Variants in ANKRD36 observed in about 807,000 individuals in gnomAD.
ANKRD36 encodes the protein ankyrin repeat domain-containing protein 36A.
ANKRD36 carries 179 observed loss-of-function variants against 278.1 expected under a neutral mutation model. That is an observed-to-expected ratio of 0.64 (90% CI 0.57 to 0.73). The LOEUF (loss-of-function observed/expected upper bound fraction) is 0.73, where lower values mean the gene tolerates loss of function less well. Ranked by LOEUF, ANKRD36 falls within the 30% of genes least tolerant of loss-of-function variation. The probability of loss-of-function intolerance (pLI) is 0.00; values close to 1 mark genes in which losing one functional copy is unlikely to be tolerated. For missense variants in ANKRD36, 1,159 were observed against 1,956.7 expected (o/e 0.59, Z 7.69); for synonymous variants, 320 against 641.1 (o/e 0.50, Z 7.57).
intron 12 of ANKRD36, among the ~76,000 whole-genome samples, chr2:97,149,673 C>T (rs2045394249): frequency 6.6e-6 from 1 of 151,850 alleles, no homozygotes; most frequent in Admixed American, 6.6e-5. Context: ...TTGGTCTAGG[C>T]TTATTTGAGT....
At chr2:97,124,246 C>T (rs1160741566) in intron 4 of ANKRD36, among the ~76,000 whole-genome samples, 1 of 151,512 alleles carries the variant, frequency 6.6e-6, no homozygotes, top group Non-Finnish European at 1.5e-5. Flanking sequence ...GTCATACCAC[C>T]CACAGTAGGA....
chr2:97,186,700 A>G (rs1325672382), intron 30 of ANKRD36, among the ~76,000 whole-genome samples: 2 of 151,890 alleles, frequency 1.3e-5, no homozygotes, highest in Non-Finnish European at 2.9e-5. Context: ...GAAGAGACAG[A>G]GACATAATGT....
In ANKRD36 at chr2:97,114,084, T is replaced by C. The variant is rs1574438230; in HGVS notation, c.197+148T>C. On this transcript the variant is annotated intron_variant, in intron 1 of 75. Transcript: ENST00000420699. ...GGTGCCCGGCTGGGGTGGGAGTGAG[T>C]GGAGCGGGGCCTGGGGAGTGGCGGT... is the stretch of plus-strand genomic sequence containing the variant. 9.4e-6 allele frequency: 9 copies of C among 960,098 alleles called. No individual in the cohort carries two copies. The Admixed American group carries it at 2.2e-4, about 23-fold the overall frequency. 59.5% of individuals were successfully genotyped at this position (960,098 alleles called of 1,614,324 possible).
chr2:97,198,315 G>A (rs1456069400), intron 42 of ANKRD36, 148 bp from the exon 43 acceptor site: 13 of 1,485,990 alleles, frequency 8.7e-6, no homozygotes, highest in South Asian at 1.2e-5. Flanking sequence ...TTTCTGTCAC[G>A]TTCTAGTCCC....
In ANKRD36 at chr2:97,113,278, G is replaced by C. The variant is rs3878988; in HGVS notation, c.-462G>C. Among the ~76,000 whole-genome samples the C allele has an allele frequency of 7.2e-5, 11 of 152,206 alleles. No homozygotes were observed. Among genetic ancestry groups the C allele is most frequent in the Middle Eastern group, 3.4e-3 (1 of 292 alleles). On this transcript the variant is annotated 5_prime_UTR_variant, in exon 1 of 76. Coordinates refer to ENST00000420699, the MANE Select transcript of ANKRD36 (RefSeq NM_001354587.1). ...CCCGGGGGCGACGCAGTGGCGAAGTGGGGCTGTGGGCCCAGCGGTGGCACC... is the reference window on the plus strand; with the variant it reads ...CCCGGGGGCGACGCAGTGGCGAAGTCGGGCTGTGGGCCCAGCGGTGGCACC...
At chr2:97,193,248 C>A (rs1434615366) in intron 38 of ANKRD36, among the ~76,000 whole-genome samples, 195 bp downstream of exon 38, 1 of 143,018 alleles carries the variant, frequency 7.0e-6, no homozygotes, top group African/African-American at 2.5e-5. Flanking sequence ...TAAGATTATA[C>A]ACTTCCCCAC....
At chr2:97,231,540 C>T (rs1402793260) in intron 67 of ANKRD36, among the ~76,000 whole-genome samples, 5 of 152,256 alleles carry the variant, frequency 3.3e-5, no homozygotes, top group African/African-American at 1.2e-4. Context: ...TGTCTGTCAC[C>T]CCTTTCTTTG....
rs1574540745 is a variant in ANKRD36, at chr2:97,122,987, T to C, written c.587T>C (p.Leu196Pro). The change falls in exon 4 of 76, where the codon CTT (leucine) becomes CCT (proline). Residue 196 changes from leucine (L) to proline (P), a missense_variant. Leu to Pro is a moderately conservative substitution (Grantham distance 98). Transcript: ENST00000420699. ...KKANVNAIDYLGRSALIHAVT... is the reference protein window; with the variant it reads ...KKANVNAIDYPGRSALIHAVT... ...GCAAATGTAAATGCCATTGATTATCTTGGCAGGTACAGACCTTAGTTCTTA... is the reference window on the plus strand; with the variant it reads ...GCAAATGTAAATGCCATTGATTATCCTGGCAGGTACAGACCTTAGTTCTTA... The C allele has an allele frequency of 2.6e-6, 4 of 1,539,902 alleles. No individual in the cohort carries two copies. Among genetic ancestry groups the C allele is most frequent in the Non-Finnish European group, 1.8e-6 (2 of 1,139,818 alleles).
intron 36 of ANKRD36, among the ~76,000 whole-genome samples, chr2:97,191,412 G>C (rs1422596226): frequency 6.6e-6 from 1 of 151,684 alleles, no homozygotes; most frequent in Admixed American, 6.6e-5. Context: ...GAAGAAATAT[G>C]GAGAGCAGTT....
In ANKRD36 at chr2:97,144,715, A is replaced by G; in HGVS notation, c.1003+3A>G. On this transcript the variant is annotated splice_donor_region_variant and intron_variant, in intron 10 of 75. Coordinates refer to ENST00000420699, the MANE Select transcript of ANKRD36 (RefSeq NM_001354587.1). ...AGATGAACAAAAATCTGGGACAGGT[A>G]ATTTTGCAATACACATTTAATGCCA... 5 of 1,544,012 alleles carry G rather than the reference A, an allele frequency of 3.2e-6. No individual in the cohort carries two copies. The highest frequency in any genetic ancestry group is 1.4e-5 in the African/African-American group (1 of 73,090).
At chr2:97,128,864 T>A (rs1379654479) in intron 6 of ANKRD36, among the ~76,000 whole-genome samples, 1 of 152,082 alleles carries the variant, frequency 6.6e-6, no homozygotes, top group East Asian at 1.9e-4. Flanking sequence ...CCCAACTCCC[T>A]CCAACATGGA....
At chr2:97,187,053 T>C in intron 30 of ANKRD36, 145 bp from the exon 31 acceptor site, 1 of 1,397,120 alleles carries the variant, frequency 7.2e-7, no homozygotes, top group Non-Finnish European at 9.6e-7. Flanking sequence ...TGTGTCATGC[T>C]CCTGGCTTAA....
intron 54 of ANKRD36, among the ~76,000 whole-genome samples, chr2:97,208,624 G>A (rs1224829669): frequency 6.8e-6 from 1 of 146,380 alleles, no homozygotes; most frequent in Non-Finnish European, 1.5e-5. Flanking sequence ...GGAAACAGTG[G>A]TATAATTGGA....
Position 97,146,380 on chromosome 2 carries a change from T to C in ANKRD36, c.1004-106T>C, listed in dbSNP as rs561470906. On this transcript the variant is annotated intron_variant, in intron 10 of 75. Coordinates refer to ENST00000420699, the MANE Select transcript of ANKRD36 (RefSeq NM_001354587.1). ...AAGTGATATTTCTGCCTCAGCCTTT[T>C]GAGTAGCTGAGATTATAGGAACAAG... 1,275 of 940,776 alleles carry C rather than the reference T, an allele frequency of 1.4e-3. 7 individuals are homozygous for C. The highest frequency in any genetic ancestry group is 4.6e-3 in the Middle Eastern group (13 of 2,822). 58.3% of individuals were successfully genotyped at this position (940,776 alleles called of 1,614,324 possible).
At position 97,194,994 on chromosome 2, in the gene ANKRD36, G is replaced by A. The variant is rs957523990; in HGVS notation, c.2551+77G>A. The A allele has an allele frequency of 4.3e-5, 65 of 1,513,240 alleles. No homozygotes were observed. The Admixed American group carries it at 6.2e-4, about 14-fold the overall frequency. 93.7% of individuals were successfully genotyped at this position (1,513,240 alleles called of 1,614,324 possible). On this transcript the variant is annotated intron_variant, in intron 40 of 75. Transcript: ENST00000420699. ...TCTTCCCCGAATAAATCAGTGGGGG[G>A]CTGGTCAAAGATGCACATTCTGATT...
intron 3 of ANKRD36, among the ~76,000 whole-genome samples, 174 bp from the exon 4 acceptor site, chr2:97,122,713 C>T (rs1319915514): frequency 6.6e-6 from 1 of 150,826 alleles, no homozygotes; most frequent in Non-Finnish European, 1.5e-5. Context: ...AGGTTGTTTC[C>T]AGGGGAAGGA....
In ANKRD36 at chr2:97,202,239, A is replaced by G; in HGVS notation, c.2886+9A>G. On this transcript the variant is annotated intron_variant, in intron 47 of 75. Coordinates refer to ENST00000420699, the MANE Select transcript of ANKRD36 (RefSeq NM_001354587.1). ...AACCACCAGCCTTGAAGGTAATGAA[A>G]CTCCCATTTATCTTGTGAACGAGTT... 3.1e-6 allele frequency: 5 copies of G among 1,608,952 alleles called. No individual in the cohort carries two copies. The Admixed American group carries it at 8.4e-5, about 27-fold the overall frequency.
chr2:97,159,599 T>G (rs1442159572), intron 17 of ANKRD36, among the ~76,000 whole-genome samples: 1 of 151,776 alleles, frequency 6.6e-6, no homozygotes, highest in Non-Finnish European at 1.5e-5. Context: ...TTGACTCTTG[T>G]TAAAAGTTTT....
At chr2:97,211,830 G>T in intron 58 of ANKRD36, 89 bp downstream of exon 58, 3 of 1,406,512 alleles carry the variant, frequency 2.1e-6, no homozygotes, top group Non-Finnish European at 2.9e-6. Flanking sequence ...GGTTCGTCAA[G>T]CCTTCATGTT....
Sources: gnomAD v4.1 joint callset for allele counts (sites outside exome capture counted in the v4.1 genomes callset) on GRCh38, gnomAD v4.1.1 for gene constraint, MANE v1.5 for transcripts, NCBI Gene and HGNC (gene_info 2026-07-23, HGNC 2026-07-21) for gene names.